The following VPS35L variants were observed in gnomAD, a reference collection of about 807,000 sequenced individuals.
VPS35L encodes VPS35 endosomal protein sorting factor like.
In VPS35L, 83 loss-of-function variants were observed where a neutral mutation model predicts 133.0. The ratio of observed to expected loss-of-function variants is 0.62; its 90% CI spans 0.52 to 0.75. The LOEUF (loss-of-function observed/expected upper bound fraction) is 0.75, where lower values mean the gene tolerates loss of function less well. VPS35L is among the 30% of genes least tolerant of loss of function. The probability of loss-of-function intolerance (pLI) is 0.00; values close to 1 mark genes in which losing one functional copy is unlikely to be tolerated. For missense variants in VPS35L, 1,083 were observed against 1,206.8 expected, an observed-to-expected ratio of 0.90 and a Z score of 1.52; for synonymous variants, 423 against 449.9, an observed-to-expected ratio of 0.94 and a Z score of 0.76.
chr16:19,657,984 C>T (rs1974359457), intron 26 of VPS35L, among the ~76,000 whole-genome samples: 2 of 152,124 alleles, frequency 1.3e-5, no homozygotes, highest in Admixed American at 1.3e-4. Context: ...TCAAGCTTGT[C>T]GCCCACGTTC....
intron 29 of VPS35L, among the ~76,000 whole-genome samples, chr16:19,692,724 G>A (rs993731145): frequency 7.9e-5 from 12 of 151,892 alleles, no homozygotes; most frequent in African/African-American, 1.7e-4. Context: ...CACCACACCC[G>A]GCTAATTTTT....
At chr16:19,668,868 T>C (rs2151605000) in intron 26 of VPS35L, among the ~76,000 whole-genome samples, 1 of 152,348 alleles carries the variant, frequency 6.6e-6, no homozygotes, top group South Asian at 2.1e-4. Context: ...AGTTGAGCTT[T>C]AGCCCAGGCA....
At chr16:19,559,857 T>C (rs909780411) in intron 1 of VPS35L, among the ~76,000 whole-genome samples, 96 of 152,232 alleles carry the variant, frequency 6.3e-4, no homozygotes, top group African/African-American at 2.3e-3. Flanking sequence ...TGGCTAATTT[T>C]TTTGTGTTTC....
chr16:19,670,077 C>T (rs191585770), intron 27 of VPS35L, among the ~76,000 whole-genome samples: 14 of 151,564 alleles, frequency 9.2e-5, no homozygotes, highest in South Asian at 4.2e-4. Context: ...GTGATTCTCC[C>T]GCCTCAGCCT....
intron 18 of VPS35L, 139 bp downstream of exon 18, chr16:19,629,959 T>C (rs1973393089): frequency 2.8e-6 from 2 of 721,500 alleles, no homozygotes; most frequent in South Asian, 1.8e-5. Flanking sequence ...TTCTTCATAA[T>C]AAAGCGTGAT....
intron 18 of VPS35L, among the ~76,000 whole-genome samples, chr16:19,631,882 G>A (rs2151569521): frequency 6.6e-6 from 1 of 151,906 alleles, no homozygotes; most frequent in South Asian, 2.1e-4. Context: ...ATGGGGTCTT[G>A]CCATGTTGCC....
At position 19,639,997 on chromosome 16, in the gene VPS35L, T is replaced by C. The variant is rs762266891; in HGVS notation, c.1699-18T>C. 6.2e-7 allele frequency: 1 copy of C among 1,601,978 alleles called. No individual in the cohort carries two copies. The highest frequency in any genetic ancestry group is 8.6e-7 in the Non-Finnish European group (1 of 1,169,172). On this transcript the variant is annotated intron_variant, in intron 20 of 30. Transcript: ENST00000417362. This position sits in a 1 kb window ranked among gnomAD's most constrained non-coding sequence, Gnocchi z 4.1. ...TAACTTGTGTCATTTGCATATAGAG[T>C]GCTTGCTTTATTTATAGGAAAAATT...
intron 26 of VPS35L, among the ~76,000 whole-genome samples, chr16:19,660,570 G>A (rs1348605464): frequency 6.6e-6 from 1 of 152,072 alleles, no homozygotes; most frequent in Non-Finnish European, 1.5e-5. Context: ...TTGAAAAAAA[G>A]CAAAATGCCA....
intron 20 of VPS35L, among the ~76,000 whole-genome samples, chr16:19,637,989 AG>A (rs1218839833): frequency 1.3e-5 from 2 of 152,336 alleles, no homozygotes; most frequent in African/African-American, 4.8e-5. Flanking sequence ...TGATTTTCAC[AG>A]GGCACTTGCT....
chr16:19,668,261 T>A (rs1400054466), intron 26 of VPS35L, among the ~76,000 whole-genome samples: 1 of 152,188 alleles, frequency 6.6e-6, no homozygotes, highest in Non-Finnish European at 1.5e-5. Context: ...AAACATTTGA[T>A]CTTGTCGGGT....
intron 7 of VPS35L, among the ~76,000 whole-genome samples, chr16:19,585,157 C>T (rs1055888441): frequency 5.9e-5 from 9 of 152,170 alleles, no homozygotes; most frequent in African/African-American, 2.2e-4. Flanking sequence ...TGTTCCCACT[C>T]TCTGGCTGTT....
rs1259216997 is a variant in VPS35L at position 19,616,188 on chromosome 16, A to G, written c.1098A>G (p.Lys366=). 1.2e-6 allele frequency: 2 copies of G among 1,606,882 alleles called. No individual in the cohort carries two copies. The highest frequency in any genetic ancestry group is 8.5e-7 in the Non-Finnish European group (1 of 1,173,862). The change falls in exon 13 of 31, where the codon AAA becomes AAG. Residue 366 remains lysine (K), a synonymous_variant. Coordinates refer to ENST00000417362, the MANE Select transcript of VPS35L (RefSeq NM_020314.7). ...TTTTTGACTTCCTCCTTACGTTCAA[A>G]CAGGTAAGAGAACACTATCAGAATA... ...KNFFDFLLTF[K]QIHGDTVQNQ...
chr16:19,660,054 G>A (rs887888487), intron 26 of VPS35L, among the ~76,000 whole-genome samples: 2 of 152,096 alleles, frequency 1.3e-5, no homozygotes, highest in East Asian at 1.9e-4. Flanking sequence ...GGCCGGGCAC[G>A]GTGGCTCACG....
At chr16:19,693,974 A>G (rs1975808677) in intron 29 of VPS35L, 1 of 151,972 alleles carries the variant, frequency 6.6e-6, no homozygotes, top group Admixed American at 6.6e-5. Flanking sequence ...AAAAAAAAAA[A>G]AAGAAAAAAG....
chr16:19,601,255 C>T (rs186653334), intron 8 of VPS35L, among the ~76,000 whole-genome samples: 5 of 152,142 alleles, frequency 3.3e-5, no homozygotes, highest in Admixed American at 2.6e-4. Flanking sequence ...TGTTGGTAAC[C>T]AATTCAAAAA....
chr16:19,644,492 C>A (rs1048672430), intron 22 of VPS35L, among the ~76,000 whole-genome samples: 11 of 152,174 alleles, frequency 7.2e-5, no homozygotes, highest in African/African-American at 2.7e-4. Flanking sequence ...GCTACCTCTG[C>A]CTTCCTAAGT....
At chr16:19,563,663 T>C (rs536125033) in intron 1 of VPS35L, among the ~76,000 whole-genome samples, 1 of 152,348 alleles carries the variant, frequency 6.6e-6, no homozygotes, top group African/African-American at 2.4e-5. Context: ...TCACAAATCC[T>C]TTCTCTTTTT....
At position 19,694,321 on chromosome 16, in the gene VPS35L, CACAA is replaced by C. The variant is rs368562991; in HGVS notation, c.2646+2854_2646+2857del. On this transcript the variant is annotated intron_variant, in intron 29 of 30. Transcript: ENST00000417362. ...TTTTAAAAGACCTTTTACAAACATG[CACAA>C]ACACTCAGCAAGGGTTCATACCTCT... The C allele has an allele frequency of 7.2e-5, 11 of 152,248 alleles. 1 individual carries two copies. Among genetic ancestry groups the C allele is most frequent in the Admixed American group, 3.9e-4 (6 of 15,286 alleles). 9.4% of individuals were successfully genotyped at this position (152,248 alleles called of 1,614,324 possible).
intron 8 of VPS35L, among the ~76,000 whole-genome samples, chr16:19,600,257 T>TG: frequency 1.2e-5 from 1 of 86,094 alleles, no homozygotes; most frequent in South Asian, 3.0e-4. Context: ...TAAAGGGTTA[T>TG]GAAAAAAAAA....
Sources: allele counts gnomAD v4.1 joint callset (sites outside exome capture counted in the v4.1 genomes callset), GRCh38; gene constraint gnomAD v4.1.1; non-coding constraint Gnocchi (gnomAD v3.1); transcripts MANE v1.5; gene names NCBI Gene and HGNC (gene_info 2026-07-23, HGNC 2026-07-21).